The following FCHSD2 variants were observed in gnomAD, a reference collection of about 807,000 sequenced individuals.
FCHSD2 encodes the protein F-BAR and double SH3 domains protein 2.
Under a neutral mutation model 108.1 loss-of-function variants are expected in FCHSD2, and 38 were observed. The observed-to-expected ratio is 0.35, with a 90% confidence interval of 0.27 to 0.46. The LOEUF (loss-of-function observed/expected upper bound fraction) is 0.46, where lower values mean the gene tolerates loss of function less well. FCHSD2 is among the 20% of genes least tolerant of loss of function. The pLI, the probability that FCHSD2 is intolerant of heterozygous loss-of-function variation, is 1.00. For missense variants in FCHSD2, 751 were observed against 897.8 expected (o/e 0.84, Z 2.09); for synonymous variants, 279 against 314.7 (o/e 0.89, Z 1.20).
chr11:73,075,856 C>T (rs892087516), intron 3 of FCHSD2, among the ~76,000 whole-genome samples: 6 of 151,504 alleles, frequency 4.0e-5, no homozygotes, highest in East Asian at 2.0e-4. Flanking sequence ...TGGTGGCTCA[C>T]GCCTGTAATC....
chr11:72,947,830 TTAACTTATA>T (rs1410433797), intron 8 of FCHSD2, among the ~76,000 whole-genome samples: 2 of 152,200 alleles, frequency 1.3e-5, no homozygotes, highest in Admixed American at 6.5e-5. Flanking sequence ...TATGGGAACA[TTAACTTATA>T]AAACAGACTT....
At chr11:73,039,392 C>T (rs1277118970) in intron 3 of FCHSD2, among the ~76,000 whole-genome samples, 2 of 151,994 alleles carry the variant, frequency 1.3e-5, no homozygotes, top group East Asian at 3.9e-4. Flanking sequence ...GTGGGGCGTG[C>T]CTGTAGTCCT....
At position 72,889,841 on chromosome 11, in the gene FCHSD2, A is replaced by G. The variant is rs1855277689; in HGVS notation, c.1029T>C (p.Val343=). Residue 343 remains valine (V), a synonymous_variant, in exon 11 of 20, where the codon GTT becomes GTC. Transcript: ENST00000409418. ...CTCTTACACTTACCCGTTGTTGGTG[A>G]ACAATGTTTTTATGCTCACGTGCCA... ...TRVAREHKNI[V]HQQRVLNDLE... The G allele has an allele frequency of 2.5e-6, 4 of 1,605,032 alleles. No homozygotes were observed. Among genetic ancestry groups the G allele is most frequent in the Admixed American group, 1.7e-5 (1 of 59,976 alleles).
chr11:72,916,727 A>G (rs1855881508), intron 9 of FCHSD2, among the ~76,000 whole-genome samples: 2 of 152,262 alleles, frequency 1.3e-5, no homozygotes, highest in East Asian at 3.9e-4. Context: ...ATTTTCTCTC[A>G]TCATTTGGGT....
At chr11:72,874,280 G>C (rs1296527297) in intron 12 of FCHSD2, among the ~76,000 whole-genome samples, 2 of 152,148 alleles carry the variant, frequency 1.3e-5, no homozygotes, top group Admixed American at 1.3e-4. Flanking sequence ...TCGAACTGCT[G>C]GGCTCAAGTG....
At position 72,887,496 on chromosome 11, in the gene FCHSD2, C is replaced by A; in HGVS notation, c.1120G>T (p.Ala374Ser). The change falls in exon 12 of 20, where the codon GCT (alanine) becomes TCT (serine). Residue 374 changes from alanine to serine, a missense_variant. Physicochemically the swap from Ala to Ser is moderately conservative, Grantham distance 99. Transcript: ENST00000409418. Reference sequence around the variant, plus strand: ...TCTGCTTTACGAATATTTTCTCTAGCTTCATCTATTTTCTGTTCTAGCTCT... The same window carrying A: ...TCTGCTTTACGAATATTTTCTCTAGATTCATCTATTTTCTGTTCTAGCTCT... ...RAELEQKIDE[A>S]RENIRKAEII... 6.2e-7 allele frequency: 1 copy of A among 1,605,592 alleles called. No homozygotes were observed. The highest frequency in any genetic ancestry group is 8.5e-7 in the Non-Finnish European group (1 of 1,176,554).
intron 12 of FCHSD2, among the ~76,000 whole-genome samples, chr11:72,885,306 T>C (rs902629682): frequency 6.6e-5 from 10 of 152,206 alleles, no homozygotes; most frequent in African/African-American, 2.4e-4. Context: ...AAAACGGATC[T>C]GCTACAATGG....
rs1244738223 is a variant in FCHSD2, at chr11:72,882,798, G to A, written c.1146+4672C>T. 2.0e-5 allele frequency among the ~76,000 whole-genome samples: 3 copies of A among 152,180 alleles called. No individual in the cohort carries two copies. The East Asian group carries it at 5.8e-4, about 29-fold the overall frequency. On this transcript the variant is annotated intron_variant, in intron 12 of 19. Coordinates refer to ENST00000409418, the MANE Select transcript of FCHSD2 (RefSeq NM_014824.3). ...GTCAATTCTCCTCAAATTATTTGTG[G>A]ATTCAATGCAATCCCAATCAAAATG...
intron 4 of FCHSD2, among the ~76,000 whole-genome samples, chr11:73,008,075 T>G (rs1857780339): frequency 6.6e-6 from 1 of 152,144 alleles, no homozygotes. Flanking sequence ...CTGGCTGCAG[T>G]GCCTCACGCC....
At chr11:72,991,691 C>T (rs1490671088) in intron 5 of FCHSD2, among the ~76,000 whole-genome samples, 1 of 152,126 alleles carries the variant, frequency 6.6e-6, no homozygotes, top group Non-Finnish European at 1.5e-5. Context: ...GTAGAAAAGG[C>T]CTTTGACAAA....
intron 5 of FCHSD2, among the ~76,000 whole-genome samples, chr11:72,991,545 G>C (rs535481608): frequency 1.4e-3 from 206 of 152,148 alleles, no homozygotes; most frequent in Admixed American, 4.2e-3. Flanking sequence ...CGGGATGCAA[G>C]GCTGGTTCAA....
intron 12 of FCHSD2, among the ~76,000 whole-genome samples, chr11:72,868,344 G>T (rs1398576557): frequency 6.6e-6 from 1 of 152,128 alleles, no homozygotes; most frequent in Non-Finnish European, 1.5e-5. Context: ...ACACACTGGG[G>T]CCTGTCAGAG....
At chr11:73,141,794 G>T in intron 1 of FCHSD2, 63 bp downstream of exon 1, 1 of 1,497,546 alleles carries the variant, frequency 6.7e-7, no homozygotes, top group Non-Finnish European at 9.0e-7. Context: ...CGCAGCGGTC[G>T]CCCCAGCCGC....
At chr11:72,933,586 T>C (rs11235617) in intron 8 of FCHSD2, among the ~76,000 whole-genome samples, 34,259 of 152,172 alleles carry the variant, frequency 0.23, 4,629 homozygotes, top group Middle Eastern at 0.37. Flanking sequence ...ACCCAACTTA[T>C]ATTAGCCATA....
intron 8 of FCHSD2, among the ~76,000 whole-genome samples, chr11:72,930,933 T>G (rs1389908478): frequency 6.6e-6 from 1 of 151,796 alleles, no homozygotes; most frequent in Non-Finnish European, 1.5e-5. Flanking sequence ...ATCTTAAGAG[T>G]GTAATTGGAT....
intron 8 of FCHSD2, among the ~76,000 whole-genome samples, chr11:72,934,324 G>C (rs1856257049): frequency 6.7e-6 from 1 of 149,414 alleles, no homozygotes; most frequent in Admixed American, 6.7e-5. Context: ...TCTATGAAGA[G>C]CCATGCCTTT....
intron 2 of FCHSD2, among the ~76,000 whole-genome samples, chr11:73,085,577 T>C (rs1859795632): frequency 6.6e-6 from 1 of 152,022 alleles, no homozygotes; most frequent in Non-Finnish European, 1.5e-5. Context: ...CGCAACCACA[T>C]TTAAGGGAGA....
intron 3 of FCHSD2, among the ~76,000 whole-genome samples, chr11:73,057,912 C>A (rs1481594739): frequency 6.6e-6 from 1 of 150,536 alleles, no homozygotes; most frequent in Non-Finnish European, 1.5e-5. Context: ...CAGAGTCTCG[C>A]TCTGTCGCCC....
At chr11:73,054,526 G>C (rs1858977454) in intron 3 of FCHSD2, among the ~76,000 whole-genome samples, 1 of 151,812 alleles carries the variant, frequency 6.6e-6, no homozygotes, top group Non-Finnish European at 1.5e-5. Flanking sequence ...AGTATAGTCT[G>C]ATCCAGATAG....
Sources: allele counts gnomAD v4.1 joint callset (sites outside exome capture counted in the v4.1 genomes callset), GRCh38; gene constraint gnomAD v4.1.1; transcripts MANE v1.5; gene names NCBI Gene and HGNC (gene_info 2026-07-23, HGNC 2026-07-21).